The following KIAA1217 variants were observed in gnomAD, a reference collection of about 807,000 sequenced individuals.
The protein encoded by KIAA1217 is KIAA1217.
A neutral mutation model predicts 163.9 loss-of-function variants in KIAA1217; 88 were observed. That is an observed-to-expected ratio of 0.54 (90% CI 0.45 to 0.64). KIAA1217 has a LOEUF of 0.64. Ranked by LOEUF, KIAA1217 falls within the 30% of genes least tolerant of loss-of-function variation. The pLI is 0.00. For missense variants in KIAA1217, 2,372 were observed against 2,475.0 expected, an observed-to-expected ratio of 0.96 and a Z score of 0.88; for synonymous variants, 903 against 923.1, an observed-to-expected ratio of 0.98 and a Z score of 0.39.
intron 2 of KIAA1217, among the ~76,000 whole-genome samples, chr10:24,009,478 G>A (rs985782227): frequency 2.0e-5 from 3 of 152,002 alleles, no homozygotes; most frequent in Non-Finnish European, 4.4e-5. Flanking sequence ...TCAAATTATA[G>A]CACTAATGAT....
chr10:24,141,019 T>C (rs750633060), intron 2 of KIAA1217, among the ~76,000 whole-genome samples: 1 of 152,230 alleles, frequency 6.6e-6, no homozygotes, highest in Non-Finnish European at 1.5e-5. Context: ...ATGAAACAAC[T>C]CTTTGAAGAC....
In KIAA1217 at chr10:23,849,137, T is replaced by A. The variant is rs547620809; in HGVS notation, c.-321+153903T>A. ...TACAATTCTTCATAATTAGCTTGCATTAAGTGTTGGTAGAACAACTGAATA... is the reference window on the plus strand; with the variant it reads ...TACAATTCTTCATAATTAGCTTGCAATAAGTGTTGGTAGAACAACTGAATA... On this transcript the variant is annotated intron_variant, in intron 1 of 18. Coordinates refer to the KIAA1217 transcript ENST00000376462. Among the ~76,000 whole-genome samples, 735 of 152,188 alleles carry A rather than the reference T, an allele frequency of 4.8e-3. 10 individuals are homozygous for A. The highest frequency in any genetic ancestry group is 0.016 in the African/African-American group (664 of 41,548).
intron 2 of KIAA1217, among the ~76,000 whole-genome samples, chr10:24,260,860 A>AT (rs939459756): frequency 4.3e-4 from 65 of 152,036 alleles, no homozygotes; most frequent in Non-Finnish European, 8.8e-5. Context: ...GGAAAGTTGT[A>AT]TTTTTTATCT....
intron 2 of KIAA1217, among the ~76,000 whole-genome samples, chr10:24,136,036 G>A (rs2063820085): frequency 6.6e-6 from 1 of 152,170 alleles, no homozygotes; most frequent in Admixed American, 6.5e-5. Context: ...ACTCTTCCCA[G>A]AGAAGTGAAG....
intron 1 of KIAA1217, among the ~76,000 whole-genome samples, chr10:23,793,543 A>G (rs765987987): frequency 6.6e-5 from 10 of 152,026 alleles, no homozygotes; most frequent in Non-Finnish European, 1.2e-4. Flanking sequence ...CTGTCATTCA[A>G]TGAAAATGTA....
intron 2 of KIAA1217, among the ~76,000 whole-genome samples, chr10:24,202,144 G>C (rs1331829140): frequency 1.3e-5 from 2 of 152,204 alleles, no homozygotes; most frequent in Admixed American, 1.3e-4. Context: ...CTGTGTCTCT[G>C]TTTCTCTTAA....
At chr10:24,309,473 T>A (rs1247104648) in intron 2 of KIAA1217, among the ~76,000 whole-genome samples, 1 of 152,168 alleles carries the variant, frequency 6.6e-6, no homozygotes, top group Non-Finnish European at 1.5e-5. Flanking sequence ...AGACCTGCAA[T>A]GAAGTGAACC....
chr10:23,756,276 A>G (rs1833915662), intron 1 of KIAA1217, among the ~76,000 whole-genome samples: 1 of 152,086 alleles, frequency 6.6e-6, no homozygotes, highest in South Asian at 2.1e-4. Flanking sequence ...GTCCTATTTT[A>G]AAGAAGTATA....
intron 2 of KIAA1217, among the ~76,000 whole-genome samples, chr10:24,139,153 G>C (rs896153073): frequency 6.6e-6 from 1 of 151,888 alleles, no homozygotes; most frequent in Non-Finnish European, 1.5e-5. Flanking sequence ...ATTGATTGCT[G>C]TTATCACTTT....
chr10:24,094,479 A>G (rs1305222558), intron 2 of KIAA1217, among the ~76,000 whole-genome samples: 1 of 152,006 alleles, frequency 6.6e-6, no homozygotes, highest in Non-Finnish European at 1.5e-5. Flanking sequence ...GGTCTGTTGG[A>G]GTTTGCTAGA....
At chr10:23,891,575 G>A (rs1368676438) in intron 1 of KIAA1217, among the ~76,000 whole-genome samples, 2 of 151,920 alleles carry the variant, frequency 1.3e-5, no homozygotes, top group Non-Finnish European at 1.5e-5. Context: ...TTGGGAAATT[G>A]TCCCCAGGCA....
At chr10:23,927,380 T>C (rs1379285203) in intron 1 of KIAA1217, among the ~76,000 whole-genome samples, 1 of 151,220 alleles carries the variant, frequency 6.6e-6, no homozygotes, top group Non-Finnish European at 1.5e-5. Flanking sequence ...TTTCTATACA[T>C]TGAGGTTCTC....
At chr10:24,104,424 AAT>A (rs1375243819) in intron 2 of KIAA1217, among the ~76,000 whole-genome samples, 2 of 152,212 alleles carry the variant, frequency 1.3e-5, no homozygotes, top group African/African-American at 4.8e-5. Context: ...TTTGATTCCA[AAT>A]ATATGACATA....
chr10:24,201,985 A>G (rs2067283864), intron 2 of KIAA1217, among the ~76,000 whole-genome samples: 1 of 152,066 alleles, frequency 6.6e-6, no homozygotes. Flanking sequence ...GAGACCCCCG[A>G]GGGAGTGCAG....
At chr10:24,350,653 G>GT (rs764009428) in intron 2 of KIAA1217, among the ~76,000 whole-genome samples, 2 of 152,128 alleles carry the variant, frequency 1.3e-5, no homozygotes, top group Non-Finnish European at 2.9e-5. Flanking sequence ...AAGGAATGCA[G>GT]TAAACTCTTT....
intron 2 of KIAA1217, among the ~76,000 whole-genome samples, chr10:24,104,722 T>A (rs1306203027): frequency 6.6e-6 from 1 of 152,194 alleles, no homozygotes; most frequent in South Asian, 2.1e-4. Context: ...GTGATTCAGA[T>A]ATTGACAGTA....
intron 1 of KIAA1217, among the ~76,000 whole-genome samples, chr10:23,773,282 G>T (rs1011357840): frequency 1.9e-3 from 291 of 151,976 alleles, no homozygotes; most frequent in Non-Finnish European, 3.0e-3. Flanking sequence ...TAGATATGCG[G>T]CGTTATTTCT....
intron 3 of KIAA1217, among the ~76,000 whole-genome samples, chr10:24,422,119 A>C (rs1386048260): frequency 6.6e-6 from 1 of 152,116 alleles, no homozygotes; most frequent in Non-Finnish European, 1.5e-5. Context: ...TCCCTTTTAT[A>C]AAACCATCAC....
In KIAA1217 at chr10:24,302,098, AACTT is replaced by A. The variant is rs549442590; in HGVS notation, c.355-78764_355-78761del. ...AACGAGACATAGGGTTTATCAGGGG[AACTT>A]ACTTACAGGGATGGTCCAGTGGTGG... On this transcript the variant is annotated intron_variant, in intron 2 of 20. Transcript: ENST00000376454. Among the ~76,000 whole-genome samples the A allele has an allele frequency of 2.1e-3, 313 of 152,294 alleles. 2 individuals carry two copies. Among genetic ancestry groups the A allele is most frequent in the African/African-American group, 7.2e-3 (300 of 41,576 alleles).
Sources: allele counts gnomAD v4.1 joint callset (sites outside exome capture counted in the v4.1 genomes callset), GRCh38; gene constraint gnomAD v4.1.1; transcripts MANE v1.5; gene names NCBI Gene and HGNC (gene_info 2026-07-23, HGNC 2026-07-21).